Variants in TGFBR3 observed in about 807,000 individuals in gnomAD.
The protein encoded by TGFBR3 is transforming growth factor beta receptor type 3.
In TGFBR3, 46 loss-of-function variants were observed where a neutral mutation model predicts 87.9. The ratio of observed to expected loss-of-function variants is 0.52; its 90% CI spans 0.41 to 0.67. The LOEUF is 0.67. Ranked by LOEUF, TGFBR3 falls within the 30% of genes least tolerant of loss-of-function variation. The probability of loss-of-function intolerance (pLI) is 0.00; values close to 1 mark genes in which losing one functional copy is unlikely to be tolerated. For synonymous variants in TGFBR3, 381 were observed against 391.6 expected, an observed-to-expected ratio of 0.97 and a Z score of 0.32; for missense variants, 866 against 1,041.9, an observed-to-expected ratio of 0.83 and a Z score of 2.32.
rs148627291 is a variant in TGFBR3 at position 91,808,791 on chromosome 1, T to G, written c.62-11320A>C. 7.9e-3 allele frequency among the ~76,000 whole-genome samples: 1,199 copies of G among 152,202 alleles called. 17 individuals carry two copies. The highest frequency in any genetic ancestry group is 0.027 in the African/African-American group (1,128 of 41,516). On this transcript the variant is annotated intron_variant, in intron 2 of 16. Transcript: ENST00000212355. ...GATTTACTTTTGACCAATAATATGG[T>G]GCACCTGTCCCTATTCTTCTCACAA...
intron 3 of TGFBR3, among the ~76,000 whole-genome samples, chr1:91,774,432 G>A (rs1425799188): frequency 2.6e-5 from 4 of 152,158 alleles, no homozygotes; most frequent in Middle Eastern, 3.4e-3. Flanking sequence ...CACTGCGCCC[G>A]GCCTAGATAT....
At chr1:91,848,571 C>A (rs1004074971) in intron 2 of TGFBR3, among the ~76,000 whole-genome samples, 1 of 152,000 alleles carries the variant, frequency 6.6e-6, no homozygotes, top group African/African-American at 2.4e-5. Flanking sequence ...AGAAAAAAAT[C>A]TGTTGTATCA....
chr1:91,723,672 G>A (rs1004887294), intron 7 of TGFBR3, among the ~76,000 whole-genome samples: 8 of 150,754 alleles, frequency 5.3e-5, no homozygotes, highest in African/African-American at 1.9e-4. Context: ...CTCAGAGGGT[G>A]AGAGAGCTAA....
At chr1:91,731,763 A>C (rs1269297201) in intron 5 of TGFBR3, among the ~76,000 whole-genome samples, 1 of 152,240 alleles carries the variant, frequency 6.6e-6, no homozygotes, top group African/African-American at 2.4e-5. Flanking sequence ...CATAGTGGGC[A>C]TATGGTATAG....
intron 16 of TGFBR3, among the ~76,000 whole-genome samples, chr1:91,693,925 T>G (rs1020330548): frequency 3.9e-5 from 6 of 152,194 alleles, no homozygotes; most frequent in African/African-American, 1.4e-4. Flanking sequence ...TTCTGGTCCT[T>G]TTATAAACTG....
At position 91,797,340 on chromosome 1, in the gene TGFBR3, G is replaced by T. The variant is rs1176161167; in HGVS notation, c.193C>A (p.His65Asn). ...CCTGCAGTGCGGAGATTCAGGACAT[G>T]CACCTCCTGTGGCAGCCCAGTTGTG... ...RGTTGLPQEV[H>N]VLNLRTAGQG... Residue 65 changes from histidine to asparagine, a missense_variant, in exon 3 of 17, where the codon CAT (histidine) becomes AAT (asparagine). Coordinates refer to ENST00000212355, the MANE Select transcript of TGFBR3 (RefSeq NM_003243.5). 6.2e-7 allele frequency: 1 copy of T among 1,614,234 alleles called. No individual in the cohort carries two copies. Among genetic ancestry groups the T allele is most frequent in the Admixed American group, 1.7e-5 (1 of 60,030 alleles).
At position 91,683,371 on chromosome 1, in the gene TGFBR3, T is replaced by G. The variant is rs1370810243; in HGVS notation, c.*368A>C. 2.0e-6 allele frequency: 1 copy of G among 497,266 alleles called. No individual in the cohort carries two copies. Among genetic ancestry groups the G allele is most frequent in the Non-Finnish European group, 3.9e-6 (1 of 255,660 alleles). The allele number at this position is 497,266 out of a possible 1,614,324, so 30.8% of individuals were successfully genotyped here. ...ATTAACCCTTTACCAACTCCTTGAGTCTGGGTAAAACTCAGGGCCCCAAAT... is the reference window on the plus strand; with the variant it reads ...ATTAACCCTTTACCAACTCCTTGAGGCTGGGTAAAACTCAGGGCCCCAAAT... On this transcript the variant is annotated 3_prime_UTR_variant, in exon 17 of 17. Coordinates refer to ENST00000212355, the MANE Select transcript of TGFBR3 (RefSeq NM_003243.5).
intron 5 of TGFBR3, among the ~76,000 whole-genome samples, chr1:91,731,008 A>AC (rs1312423241): frequency 2.0e-5 from 3 of 152,266 alleles, no homozygotes; most frequent in Non-Finnish European, 4.4e-5. Context: ...ATTTCCATCC[A>AC]CGGGCTTAAA....
chr1:91,861,037 A>C lies in TGFBR3; in HGVS notation c.61+434T>G, dbSNP rs537490766. On this transcript the variant is annotated intron_variant, in intron 2 of 16. Coordinates refer to ENST00000212355, the MANE Select transcript of TGFBR3 (RefSeq NM_003243.5). Reference sequence around the variant, plus strand: ...CAGCCTATGTCAAGAGTGTCACCTCAATCTAGAAGATCTATTTATTTGCTA... The same window carrying C: ...CAGCCTATGTCAAGAGTGTCACCTCCATCTAGAAGATCTATTTATTTGCTA... Among the ~76,000 whole-genome samples, 6 of 152,092 alleles carry C rather than the reference A, an allele frequency of 3.9e-5. No individual in the cohort carries two copies. The South Asian group carries it at 1.2e-3, about 32-fold the overall frequency.
chr1:91,757,157 C>T (rs1673773457), intron 4 of TGFBR3, among the ~76,000 whole-genome samples: 1 of 152,166 alleles, frequency 6.6e-6, no homozygotes, highest in Admixed American at 6.5e-5. Flanking sequence ...AATGGCTCCC[C>T]AGCCTTTCTC....
rs1025746659 is a variant in TGFBR3 at position 91,720,333 on chromosome 1, T to G, written c.1076-103A>C. 8.8e-6 allele frequency: 10 copies of G among 1,142,492 alleles called. No individual in the cohort carries two copies. The African/African-American group carries it at 1.4e-4, about 16-fold the overall frequency. 70.8% of individuals were successfully genotyped at this position (1,142,492 alleles called of 1,614,324 possible). On this transcript the variant is annotated intron_variant, in intron 8 of 16. Transcript: ENST00000212355. ...GGAATTAGCATAGAATGGGCAGGTG[T>G]AAAATGACTTTTAATAAGCAGTGCA...
At chr1:91,850,080 CAAAAAAAAAA>C (rs376631972) in intron 2 of TGFBR3, among the ~76,000 whole-genome samples, 3 of 52,162 alleles carry the variant, frequency 5.8e-5, no homozygotes, top group African/African-American at 6.7e-5. Flanking sequence ...GACTCCATCT[CAAAAAAAAAA>C]AAAAAAAAAA....
intron 2 of TGFBR3, among the ~76,000 whole-genome samples, chr1:91,803,890 T>C (rs887003102): frequency 1.3e-5 from 2 of 152,222 alleles, no homozygotes; most frequent in Non-Finnish European, 2.9e-5. Flanking sequence ...CTTCCTGTGA[T>C]GAGATGTACA....
At chr1:91,875,481 G>C (rs374504107) in intron 1 of TGFBR3, among the ~76,000 whole-genome samples, 1 of 152,038 alleles carries the variant, frequency 6.6e-6, no homozygotes, top group South Asian at 2.1e-4. Flanking sequence ...ACAGAAATAT[G>C]AGCAACTCAA....
intron 3 of TGFBR3, among the ~76,000 whole-genome samples, chr1:91,791,920 G>A (rs1019636871): frequency 6.6e-6 from 1 of 152,176 alleles, no homozygotes; most frequent in Non-Finnish European, 1.5e-5. Context: ...TGTCATTTGG[G>A]GGATGTGAGA....
chr1:91,694,229 G>T (rs1315251596), intron 16 of TGFBR3, among the ~76,000 whole-genome samples: 1 of 152,192 alleles, frequency 6.6e-6, no homozygotes, highest in Admixed American at 6.5e-5. Flanking sequence ...CTGGGCTCAA[G>T]TGATCCTCCC....
At position 91,681,765 on chromosome 1, in the gene TGFBR3, T is replaced by C; in HGVS notation, c.*1974A>G. The C allele has an allele frequency of 2.3e-6, 1 of 444,130 alleles. No homozygotes were observed. Among genetic ancestry groups the C allele is most frequent in the Non-Finnish European group, 4.5e-6 (1 of 224,144 alleles). The allele number at this position is 444,130 out of a possible 1,614,324, so 27.5% of individuals were successfully genotyped here. The stretch of plus-strand genomic sequence containing the variant: ...ATAAGTGACTTAAAGACTCTAGTCT[T>C]CTTTGAAGACATCTTTAAACTTTTT... On this transcript the variant is annotated 3_prime_UTR_variant, in exon 17 of 17. Coordinates refer to ENST00000212355, the MANE Select transcript of TGFBR3 (RefSeq NM_003243.5).
chr1:91,785,162 A>G (rs1229017928), intron 3 of TGFBR3, among the ~76,000 whole-genome samples: 2 of 152,264 alleles, frequency 1.3e-5, no homozygotes. Flanking sequence ...GAATGAAACA[A>G]CTGATACATG....
intron 4 of TGFBR3, among the ~76,000 whole-genome samples, chr1:91,740,922 A>T (rs772910600): frequency 6.6e-6 from 1 of 152,240 alleles, no homozygotes; most frequent in Non-Finnish European, 1.5e-5. Context: ...GGTTGCAATC[A>T]TCACTGCAAG....
Sources: gnomAD v4.1 joint callset for allele counts (sites outside exome capture counted in the v4.1 genomes callset) on GRCh38, gnomAD v4.1.1 for gene constraint, MANE v1.5 for transcripts, NCBI Gene and HGNC (gene_info 2026-07-23, HGNC 2026-07-21) for gene names.